NPFFR2: variants seen among roughly 807,000 people sequenced by gnomAD.
NPFFR2 encodes G-protein coupled receptor 74.
A neutral mutation model predicts 13.1 loss-of-function variants in NPFFR2; 15 were observed. The observed-to-expected ratio is 1.15, with a 90% CI of 0.77 to 1.76. The LOEUF (loss-of-function observed/expected upper bound fraction) is 1.76. Ranked by LOEUF, NPFFR2 falls within the 40% of genes most tolerant of loss-of-function variation. The pLI, the probability that NPFFR2 is intolerant of heterozygous loss-of-function variation, is 0.00. For missense variants in NPFFR2, 572 were observed against 503.5 expected, an observed-to-expected ratio of 1.14 and a Z score of -1.30; for synonymous variants, 190 against 175.7, an observed-to-expected ratio of 1.08 and a Z score of -0.65.
At chr4:72,052,943 C>T (rs4589995) in intron 1 of NPFFR2, among the ~76,000 whole-genome samples, 135,392 of 151,844 alleles carry the variant, frequency 0.89, 61,459 homozygotes, top group Non-Finnish European at 0.98. Context: ...TTGAATCTAC[C>T]TATGACCTAG....
intron 1 of NPFFR2, among the ~76,000 whole-genome samples, chr4:72,127,171 G>C (rs985605108): frequency 6.7e-6 from 1 of 150,334 alleles, no homozygotes; most frequent in Non-Finnish European, 1.5e-5. Context: ...GGGCGTGGTG[G>C]CGGGTGCCTG....
intron 1 of NPFFR2, chr4:72,068,836 T>G: frequency 2.7e-6 from 1 of 364,640 alleles, no homozygotes; most frequent in Non-Finnish European, 4.8e-6. Flanking sequence ...CTGAGGTTCT[T>G]AGTTTTTTTT....
intron 1 of NPFFR2, among the ~76,000 whole-genome samples, chr4:72,078,545 C>T (rs1326992160): frequency 6.6e-6 from 1 of 152,072 alleles, no homozygotes; most frequent in East Asian, 1.9e-4. Flanking sequence ...TTTTTGTGGA[C>T]ATAGGCAAGT....
intron 1 of NPFFR2, among the ~76,000 whole-genome samples, chr4:72,054,580 A>G (rs1395627802): frequency 1.3e-5 from 2 of 151,922 alleles, no homozygotes; most frequent in East Asian, 1.9e-4. Flanking sequence ...AAGATTTCTT[A>G]AATATAACAC....
chr4:72,046,252 T>G (rs1354141733), intron 1 of NPFFR2, among the ~76,000 whole-genome samples: 2 of 152,174 alleles, frequency 1.3e-5, no homozygotes, highest in African/African-American at 4.8e-5. Flanking sequence ...CCAAAACTCA[T>G]GTTGAAATTT....
intron 1 of NPFFR2, among the ~76,000 whole-genome samples, chr4:72,034,487 A>C (rs1188800964): frequency 6.6e-6 from 1 of 152,210 alleles, no homozygotes; most frequent in Non-Finnish European, 1.5e-5. Context: ...AGCTGTCCTC[A>C]TGATTCAATT....
At chr4:72,112,496 T>A (rs1411610620) in intron 1 of NPFFR2, among the ~76,000 whole-genome samples, 2 of 151,922 alleles carry the variant, frequency 1.3e-5, no homozygotes, top group Admixed American at 1.3e-4. Context: ...TTCATCATCA[T>A]CTCCTAAATA....
Position 72,147,640 on chromosome 4 carries a change from C to T in NPFFR2, c.1091C>T (p.Ala364Val), listed in dbSNP as rs749979541. Residue 364 changes from alanine to valine, a missense_variant, in exon 4 of 4, where the codon GCC becomes GTC. Transcript: ENST00000308744. ...AGAGCAAAGCCTATGGAAGCTTATG[C>T]CCTAAAAGCTAAAAGCCATGTGCTC... ...QKRAKPMEAY[A>V]LKAKSHVLIN... 6.2e-7 allele frequency: 1 copy of T among 1,614,096 alleles called. No homozygotes were observed. The highest frequency in any genetic ancestry group is 2.2e-5 in the East Asian group (1 of 44,870).
chr4:72,134,484 C>A (rs1239255639), intron 2 of NPFFR2, among the ~76,000 whole-genome samples: 5 of 150,042 alleles, frequency 3.3e-5, no homozygotes, highest in African/African-American at 1.3e-4. Context: ...CACCTTCTCA[C>A]ATTCTCCTGG....
intron 1 of NPFFR2, among the ~76,000 whole-genome samples, chr4:72,059,651 C>T (rs989788327): frequency 1.3e-5 from 2 of 152,012 alleles, no homozygotes; most frequent in African/African-American, 2.4e-5. Context: ...TAACTTGGCC[C>T]TTCGTATTCT....
chr4:72,090,030 C>G (rs1430937056), intron 1 of NPFFR2, among the ~76,000 whole-genome samples: 2 of 152,044 alleles, frequency 1.3e-5, no homozygotes, highest in African/African-American at 4.8e-5. Context: ...CAGTTTCATT[C>G]TTCTACATGT....
intron 1 of NPFFR2, among the ~76,000 whole-genome samples, chr4:72,121,831 A>G (rs1430957790): frequency 6.6e-6 from 1 of 152,212 alleles, no homozygotes; most frequent in Non-Finnish European, 1.5e-5. Context: ...CGCTATGAAG[A>G]AACTGTATCA....
intron 1 of NPFFR2, among the ~76,000 whole-genome samples, chr4:72,062,821 C>T (rs1719959629): frequency 1.3e-5 from 2 of 152,132 alleles, no homozygotes; most frequent in South Asian, 4.1e-4. Flanking sequence ...TCAGTTAAAG[C>T]CCCAGATGTG....
At chr4:72,120,156 G>A (rs1389014265) in intron 1 of NPFFR2, among the ~76,000 whole-genome samples, 2 of 152,280 alleles carry the variant, frequency 1.3e-5, no homozygotes, top group East Asian at 3.9e-4. Context: ...TGTAAACAAA[G>A]CCTCCAGGAA....
chr4:72,099,869 T>TCA (rs145429774), intron 1 of NPFFR2, among the ~76,000 whole-genome samples: 1 of 151,996 alleles, frequency 6.6e-6, no homozygotes, highest in African/African-American at 2.4e-5. Context: ...TGTGTATGTG[T>TCA]CACACACACA....
At chr4:72,106,595 C>T (rs937950308) in intron 1 of NPFFR2, among the ~76,000 whole-genome samples, 5 of 151,826 alleles carry the variant, frequency 3.3e-5, no homozygotes, top group African/African-American at 1.2e-4. Context: ...CATGACAACC[C>T]GAAAAAGAGA....
intron 1 of NPFFR2, among the ~76,000 whole-genome samples, chr4:72,051,407 C>A (rs914091805): frequency 1.3e-5 from 2 of 151,844 alleles, no homozygotes; most frequent in Non-Finnish European, 2.9e-5. Flanking sequence ...GGGTACATAA[C>A]GAAATGGAGG....
chr4:72,128,967 C>A, intron 2 of NPFFR2, 48 bp downstream of exon 2: 2 of 1,382,466 alleles, frequency 1.4e-6, no homozygotes, highest in South Asian at 1.3e-5. Context: ...ATATTTGTCC[C>A]ATATTTCAGC....
chr4:72,140,682 C>T (rs115575378), intron 3 of NPFFR2, among the ~76,000 whole-genome samples: 1,599 of 152,124 alleles, frequency 0.011, 37 homozygotes, highest in African/African-American at 0.036. Flanking sequence ...TGAGGATTTC[C>T]GGATCGATGT....
Sources: gnomAD v4.1 joint callset for allele counts (sites outside exome capture counted in the v4.1 genomes callset) on GRCh38, gnomAD v4.1.1 for gene constraint, MANE v1.5 for transcripts, NCBI Gene and HGNC (gene_info 2026-07-23, HGNC 2026-07-21) for gene names.